The following NELL1 variants were observed in gnomAD, a reference collection of about 807,000 sequenced individuals.
NELL1 encodes protein kinase C-binding protein NELL1.
Under a neutral mutation model 107.4 loss-of-function variants are expected in NELL1, and 76 were observed. That is an observed-to-expected ratio of 0.71 (90% confidence interval 0.59 to 0.86). NELL1 has a LOEUF of 0.86. Ranked by LOEUF, NELL1 falls within the 40% of genes least tolerant of loss-of-function variation. The pLI is 0.00. For missense variants in NELL1, 1,024 were observed against 1,005.5 expected (o/e 1.02, Z -0.25); for synonymous variants, 353 against 341.2 (o/e 1.03, Z -0.38).
chr11:21,512,086 C>T (rs1316929956), intron 15 of NELL1, among the ~76,000 whole-genome samples: 1 of 152,184 alleles, frequency 6.6e-6, no homozygotes, highest in East Asian at 1.9e-4. Context: ...GAGAACACCT[C>T]TTGTTCCTGT....
chr11:21,350,547 T>C (rs1042629925), intron 14 of NELL1, among the ~76,000 whole-genome samples: 23 of 152,280 alleles, frequency 1.5e-4, no homozygotes, highest in African/African-American at 5.5e-4. Flanking sequence ...CAACATTAGG[T>C]GAAAACACCT....
intron 4 of NELL1, among the ~76,000 whole-genome samples, chr11:20,885,134 G>A (rs1205662324): frequency 3.9e-5 from 6 of 152,048 alleles, no homozygotes; most frequent in Admixed American, 1.3e-4. Flanking sequence ...CTGAGCTTTC[G>A]CACCTATAAC....
chr11:21,047,676 G>A (rs964752896), intron 12 of NELL1, among the ~76,000 whole-genome samples: 1 of 152,072 alleles, frequency 6.6e-6, no homozygotes, highest in Non-Finnish European at 1.5e-5. Context: ...TATTGTATTA[G>A]GTTTTAGTAC....
rs138651789 is a variant in NELL1, at chr11:21,484,298, C to T, written c.1646-50076C>T. Among the ~76,000 whole-genome samples the T allele has an allele frequency of 6.1e-3, 922 of 151,404 alleles. 12 individuals carry two copies. The highest frequency in any genetic ancestry group is 0.021 in the African/African-American group (874 of 41,366). ...AGGTGAAATTCATCTCCTTATGCCCCGAGAAACCACCACCATTTTGGTGAC... is the reference window on the plus strand; with the variant it reads ...AGGTGAAATTCATCTCCTTATGCCCTGAGAAACCACCACCATTTTGGTGAC... On this transcript the variant is annotated intron_variant, in intron 15 of 19. Coordinates refer to ENST00000357134, the MANE Select transcript of NELL1 (RefSeq NM_006157.5).
intron 12 of NELL1, among the ~76,000 whole-genome samples, chr11:21,080,350 G>A (rs1854236546): frequency 6.6e-6 from 1 of 152,012 alleles, no homozygotes; most frequent in South Asian, 2.1e-4. Flanking sequence ...TTTCTTGGAT[G>A]TCCTTTTCAT....
At chr11:21,563,011 C>CT (rs1168058413) in intron 17 of NELL1, among the ~76,000 whole-genome samples, 1 of 151,976 alleles carries the variant, frequency 6.6e-6, no homozygotes, top group East Asian at 1.9e-4. Context: ...TATGTACTTC[C>CT]TTGGCAGTGA....
At chr11:21,435,625 A>T (rs909192537) in intron 15 of NELL1, among the ~76,000 whole-genome samples, 1 of 151,950 alleles carries the variant, frequency 6.6e-6, no homozygotes, top group African/African-American at 2.4e-5. Flanking sequence ...TGTTGATCAC[A>T]TTATTGATTT....
chr11:21,472,336 C>G (rs1854203255), intron 15 of NELL1, among the ~76,000 whole-genome samples: 1 of 152,002 alleles, frequency 6.6e-6, no homozygotes, highest in African/African-American at 2.4e-5. Flanking sequence ...ACCCGAGATG[C>G]TGTTTGCTTG....
intron 16 of NELL1, among the ~76,000 whole-genome samples, chr11:21,546,931 G>T (rs995385326): frequency 1.3e-5 from 2 of 151,926 alleles, no homozygotes; most frequent in African/African-American, 4.8e-5. Context: ...AAAATCACTA[G>T]TCATTTGTTA....
chr11:20,876,791 C>CA (rs200002856), intron 4 of NELL1, among the ~76,000 whole-genome samples: 2 of 152,004 alleles, frequency 1.3e-5, no homozygotes, highest in Non-Finnish European at 2.9e-5. Flanking sequence ...AACAAACAAA[C>CA]AAAAAACCCA....
At chr11:20,847,867 C>A (rs1045009772) in intron 4 of NELL1, 114 bp downstream of exon 4, 2 of 1,147,418 alleles carry the variant, frequency 1.7e-6, no homozygotes, top group Non-Finnish European at 2.4e-6. Flanking sequence ...CCAAGGGACC[C>A]TAATTGTAAT....
intron 15 of NELL1, among the ~76,000 whole-genome samples, chr11:21,507,051 CACAA>C (rs1855298687): frequency 6.6e-6 from 1 of 152,132 alleles, no homozygotes; most frequent in South Asian, 2.1e-4. Context: ...AAATTTTAGA[CACAA>C]ACAATGAGGC....
chr11:20,799,195 A>G (rs760638233), intron 3 of NELL1, among the ~76,000 whole-genome samples: 3 of 152,238 alleles, frequency 2.0e-5, no homozygotes, highest in Non-Finnish European at 4.4e-5. Context: ...CCAGTTTGGT[A>G]TGTTTAGGAG....
intron 13 of NELL1, among the ~76,000 whole-genome samples, chr11:21,220,008 T>C (rs1857713674): frequency 6.6e-6 from 1 of 152,162 alleles, no homozygotes; most frequent in Non-Finnish European, 1.5e-5. Flanking sequence ...TACACACTTT[T>C]AAACAACCAG....
At chr11:20,759,653 A>G (rs750518346) in intron 2 of NELL1, among the ~76,000 whole-genome samples, 1 of 152,150 alleles carries the variant, frequency 6.6e-6, no homozygotes, top group Non-Finnish European at 1.5e-5. Context: ...TGGCCAGTTC[A>G]AGAAGCTGCT....
At chr11:20,935,130 A>G (rs1850696611) in intron 9 of NELL1, among the ~76,000 whole-genome samples, 1 of 152,188 alleles carries the variant, frequency 6.6e-6, no homozygotes, top group Non-Finnish European at 1.5e-5. Flanking sequence ...AGATAAAATT[A>G]TAGACATTTT....
chr11:21,380,937 C>T (rs974685047), intron 15 of NELL1, among the ~76,000 whole-genome samples: 3 of 152,016 alleles, frequency 2.0e-5, no homozygotes, highest in Admixed American at 6.6e-5. Context: ...CATTAATCTA[C>T]TATACATCTA....
At chr11:20,797,610 C>T (rs1857198910) in intron 3 of NELL1, among the ~76,000 whole-genome samples, 1 of 143,298 alleles carries the variant, frequency 7.0e-6, no homozygotes, top group African/African-American at 2.6e-5. Flanking sequence ...CTGCAGTATT[C>T]TAGAATCGAG....
chr11:21,223,154 T>G (rs1022016527), intron 13 of NELL1, among the ~76,000 whole-genome samples: 3 of 152,064 alleles, frequency 2.0e-5, no homozygotes, highest in Non-Finnish European at 4.4e-5. Context: ...CCCCCTATCA[T>G]TATTGTATTG....
Sources: gnomAD v4.1 joint callset for allele counts (sites outside exome capture counted in the v4.1 genomes callset) on GRCh38, gnomAD v4.1.1 for gene constraint, MANE v1.5 for transcripts, NCBI Gene and HGNC (gene_info 2026-07-23, HGNC 2026-07-21) for gene names.